The following PDIA4 variants were observed in gnomAD, a reference collection of about 807,000 sequenced individuals.
PDIA4 encodes the protein protein disulfide-isomerase A4.
In PDIA4, 33 loss-of-function variants were observed where a neutral mutation model predicts 62.1. That is an observed-to-expected ratio of 0.53 (90% CI 0.40 to 0.71). The LOEUF (loss-of-function observed/expected upper bound fraction) is 0.71, where lower values mean the gene tolerates loss of function less well. Among genes scored for constraint, PDIA4 ranks in the 30% least tolerant of loss-of-function variants. The pLI is 0.00. For synonymous variants in PDIA4, 341 were observed against 324.1 expected (o/e 1.05, Z -0.56); for missense variants, 804 against 813.6 (o/e 0.99, Z 0.14).
Position 149,005,264 on chromosome 7 carries a change from G to A in PDIA4, c.1399C>T (p.Leu467Phe), listed in dbSNP as rs763919843. 6 of 1,614,024 alleles carry A rather than the reference G, an allele frequency of 3.7e-6. 1 individual carries two copies. The Admixed American group carries it at 1.0e-4, about 27-fold the overall frequency. Residue 467 changes from leucine to phenylalanine, a missense_variant, in exon 9 of 10, where the codon CTC (leucine) becomes TTC (phenylalanine). Physicochemically the swap from Leu to Phe is conservative, Grantham distance 22 (BLOSUM62 0). Coordinates refer to ENST00000652332, the MANE Select transcript of PDIA4 (RefSeq NM_004911.5). ...TTGACATCCTCCCCACTCTCGCTGAGCCCCAGGTCCTTCACCTCCCCAGCA... is the reference window on the plus strand; with the variant it reads ...TTGACATCCTCCCCACTCTCGCTGAACCCCAGGTCCTTCACCTCCCCAGCA... ...DYAGEVKDLG[L>F]SESGEDVNAA...
intron 3 of PDIA4, among the ~76,000 whole-genome samples, chr7:149,015,996 T>C (rs945109187): frequency 2.6e-5 from 4 of 152,322 alleles, no homozygotes; most frequent in African/African-American, 9.6e-5. Flanking sequence ...TTCACAACAA[T>C]AGAAGTACTC....
At chr7:149,021,207 C>T in intron 1 of PDIA4, 60 bp from the exon 2 acceptor site, 8 of 1,523,702 alleles carry the variant, frequency 5.3e-6, no homozygotes, top group Non-Finnish European at 7.0e-6. Context: ...TAAAACTTTC[C>T]TGGCCGGGCG....
At chr7:149,006,188 C>T (rs937410524) in intron 7 of PDIA4, 135 bp from the exon 8 acceptor site, 6 of 790,902 alleles carry the variant, frequency 7.6e-6, no homozygotes, top group Admixed American at 4.1e-5. Flanking sequence ...CCCCAGGGCT[C>T]GACCCCACTC....
At chr7:149,014,158 T>C (rs1824046957) in intron 4 of PDIA4, among the ~76,000 whole-genome samples, 1 of 152,196 alleles carries the variant, frequency 6.6e-6, no homozygotes, top group Admixed American at 6.5e-5. Flanking sequence ...ATCCAGGCAT[T>C]GCCTGGAACA....
At chr7:149,017,263 G>T (rs542717774) in intron 3 of PDIA4, among the ~76,000 whole-genome samples, 138 of 151,460 alleles carry the variant, frequency 9.1e-4, no homozygotes, top group African/African-American at 3.2e-3. Context: ...AGGATACCAT[G>T]TTCATTCAAT....
At chr7:149,017,218 T>A (rs895367974) in intron 3 of PDIA4, among the ~76,000 whole-genome samples, 1 of 152,130 alleles carries the variant, frequency 6.6e-6, no homozygotes. Flanking sequence ...TTTTTTTTTT[T>A]CTGCCAGTGA....
intron 3 of PDIA4, 78 bp from the exon 4 acceptor site, chr7:149,015,120 G>C: frequency 6.8e-7 from 1 of 1,468,208 alleles, no homozygotes; most frequent in Admixed American, 1.9e-5. Flanking sequence ...AGCAGATGAG[G>C]AGGGGGAAGA....
In PDIA4 at chr7:149,004,149, T is replaced by C. The variant is rs141944697; in HGVS notation, c.1583A>G (p.Lys528Arg). The C allele has an allele frequency of 2.5e-6, 4 of 1,614,152 alleles. No homozygotes were observed. Among genetic ancestry groups the C allele is most frequent in the East Asian group, 4.5e-5 (2 of 44,882 alleles). Residue 528 changes from lysine to arginine, a missense_variant, in exon 10 of 10, where the codon AAG becomes AGG. Lys to Arg is a conservative substitution (Grantham distance 26). Transcript: ENST00000652332. Reference protein sequence around the residue: ...PVPKNNKGPVKVVVGKTFDSI... With the variant: ...PVPKNNKGPVRVVVGKTFDSI... ...GTCAAAGGTCTTTCCCACCACGACCTTGACGGGTCCCTTGTTGTTCTTGGG... is the reference window on the plus strand; with the variant it reads ...GTCAAAGGTCTTTCCCACCACGACCCTGACGGGTCCCTTGTTGTTCTTGGG...
chr7:149,012,423 T>C (rs971681074), intron 4 of PDIA4, 63 bp from the exon 5 acceptor site: 7 of 1,423,116 alleles, frequency 4.9e-6, no homozygotes, highest in Middle Eastern at 2.4e-4. Context: ...TCTAGCTAAA[T>C]GAGCTGCAGA....
chr7:149,015,832 C>G (rs1824117594), intron 3 of PDIA4, among the ~76,000 whole-genome samples: 1 of 152,222 alleles, frequency 6.6e-6, no homozygotes, highest in Admixed American at 6.5e-5. Flanking sequence ...CTGTGCCCTG[C>G]CCCCCAGACC....
At chr7:149,027,696 C>T (rs2129506148) in intron 1 of PDIA4, among the ~76,000 whole-genome samples, 1 of 149,486 alleles carries the variant, frequency 6.7e-6, no homozygotes, top group East Asian at 1.9e-4. Flanking sequence ...AGGGACCACA[C>T]TCACAATCTT....
rs544642147 is a variant in PDIA4, at chr7:149,020,457, G to T, written c.269+510C>A. Among the ~76,000 whole-genome samples the T allele has an allele frequency of 2.6e-4, 40 of 152,296 alleles. No homozygotes were observed. The East Asian group carries it at 7.1e-3, about 27-fold the overall frequency. On this transcript the variant is annotated intron_variant, in intron 2 of 9. Coordinates refer to ENST00000652332, the MANE Select transcript of PDIA4 (RefSeq NM_004911.5). ...CAAGAGCTCTAACGGTCTGCACTAG[G>T]AGGAGTAAAGACAGGAAAAGAAGTG...
chr7:149,005,463 A>G lies in PDIA4; in HGVS notation c.1289-89T>C, dbSNP rs542246860. Reference sequence around the variant, plus strand: ...AGGTCAGGCTTCAGGTCCTGTCGCTAATATTCTGACAATGCTCAAACCCTG... The same window carrying G: ...AGGTCAGGCTTCAGGTCCTGTCGCTGATATTCTGACAATGCTCAAACCCTG... On this transcript the variant is annotated intron_variant, in intron 8 of 9. Coordinates refer to ENST00000652332, the MANE Select transcript of PDIA4 (RefSeq NM_004911.5). 1.1e-4 allele frequency: 87 copies of G among 812,672 alleles called. No homozygotes were observed. The East Asian group carries it at 1.9e-3, about 18-fold the overall frequency. 50.3% of individuals were successfully genotyped at this position (812,672 alleles called of 1,614,324 possible).
In PDIA4 at chr7:149,028,427, C is replaced by G. The variant is rs1383633241; in HGVS notation, c.-19G>C. ...GCCTCATGGTAGCGGGGGCGGAGCGCGGCCTCCTAGCGTCGGCGGCCGCTG... is the reference window on the plus strand; with the variant it reads ...GCCTCATGGTAGCGGGGGCGGAGCGGGGCCTCCTAGCGTCGGCGGCCGCTG... On this transcript the variant is annotated 5_prime_UTR_variant, in exon 1 of 10. Coordinates refer to ENST00000652332, the MANE Select transcript of PDIA4 (RefSeq NM_004911.5). The G allele has an allele frequency of 1.4e-6, 2 of 1,467,408 alleles. No individual in the cohort carries two copies. Among genetic ancestry groups the G allele is most frequent in the Admixed American group, 2.3e-5 (1 of 42,682 alleles). 90.9% of individuals were successfully genotyped at this position (1,467,408 alleles called of 1,614,324 possible).
intron 1 of PDIA4, chr7:149,027,732 C>T (rs943542001): frequency 4.0e-5 from 16 of 405,016 alleles, no homozygotes; most frequent in Non-Finnish European, 5.0e-5. Flanking sequence ...AGTACAGGGA[C>T]TGGCACACAG....
rs2290970 is a variant in PDIA4, at chr7:149,012,415, T to C, written c.615-55A>G. ...CTCATTCTAGTGTGGACTCACTTTC[T>C]AGCTAAATGAGCTGCAGAAACCCAT... On this transcript the variant is annotated intron_variant, in intron 4 of 9. Coordinates refer to ENST00000652332, the MANE Select transcript of PDIA4 (RefSeq NM_004911.5). 3.9e-3 allele frequency: 5,731 copies of C among 1,471,308 alleles called. 343 individuals are homozygous for C. The East Asian group carries it at 0.12, about 30-fold the overall frequency. The allele number at this position is 1,471,308 out of a possible 1,614,324, so 91.1% of individuals were successfully genotyped here.
intron 7 of PDIA4, among the ~76,000 whole-genome samples, chr7:149,007,115 G>A (rs1823786122): frequency 6.6e-6 from 1 of 152,140 alleles, no homozygotes; most frequent in African/African-American, 2.4e-5. Context: ...ATGAGTCCAG[G>A]GAAGAGGAGA....
intron 6 of PDIA4, among the ~76,000 whole-genome samples, chr7:149,010,891 T>C (rs1163709597): frequency 6.6e-6 from 1 of 152,228 alleles, no homozygotes. Flanking sequence ...TCAATGCACG[T>C]AACTTGCAGT....
At position 149,003,691 on chromosome 7, in the gene PDIA4, G is replaced by A. The variant is rs79230993; in HGVS notation, c.*103C>T. The A allele has an allele frequency of 4.2e-6, 3 of 717,356 alleles. No individual in the cohort carries two copies. The highest frequency in any genetic ancestry group is 3.4e-5 in the Admixed American group (1 of 29,194). 44.4% of individuals were successfully genotyped at this position (717,356 alleles called of 1,614,324 possible). ...TAAAAAATTAAAAAAAAAAAAAAAG[G>A]AATCCGAGATACTGTCGTTTGTTGC... On this transcript the variant is annotated 3_prime_UTR_variant, in exon 10 of 10. Transcript: ENST00000652332.
Sources: gnomAD v4.1 joint callset for allele counts (sites outside exome capture counted in the v4.1 genomes callset) on GRCh38, gnomAD v4.1.1 for gene constraint, MANE v1.5 for transcripts, NCBI Gene and HGNC (gene_info 2026-07-23, HGNC 2026-07-21) for gene names.